STIM1: variants seen among roughly 807,000 people sequenced by gnomAD.
The protein encoded by STIM1 is stromal interaction molecule 1.
STIM1 carries 25 observed loss-of-function variants against 74.7 expected under a neutral mutation model. That is an observed-to-expected ratio of 0.33 (90% CI 0.24 to 0.47). The LOEUF (loss-of-function observed/expected upper bound fraction) is 0.47. Ranked by LOEUF, STIM1 falls within the 20% of genes least tolerant of loss-of-function variation. STIM1 has a pLI of 1.00. For missense variants in STIM1, 728 were observed against 920.8 expected, an observed-to-expected ratio of 0.79 and a Z score of 2.71; for synonymous variants, 328 against 348.8, an observed-to-expected ratio of 0.94 and a Z score of 0.66.
chr11:3,924,203 C>CT (rs1170851849), intron 1 of STIM1, among the ~76,000 whole-genome samples: 5,490 of 127,476 alleles, frequency 0.043, 360 homozygotes, highest in African/African-American at 0.14. Flanking sequence ...TTTTTCTTTT[C>CT]TTTTTTTTTT....
intron 2 of STIM1, among the ~76,000 whole-genome samples, chr11:4,001,544 T>G (rs2135909331): frequency 6.6e-6 from 1 of 152,242 alleles, no homozygotes; most frequent in South Asian, 2.1e-4. Context: ...GCTGAGAGAT[T>G]TTGTCACCAC....
chr11:4,070,270 G>A, intron 6 of STIM1, 67 bp downstream of exon 6: 1 of 1,593,014 alleles, frequency 6.3e-7, no homozygotes, highest in African/African-American at 1.3e-5. Flanking sequence ...TTTCCACCTG[G>A]GTGTGAGCCA....
At chr11:4,066,909 C>G (rs949048727) in intron 5 of STIM1, among the ~76,000 whole-genome samples, 3 of 152,066 alleles carry the variant, frequency 2.0e-5, no homozygotes, top group African/African-American at 7.3e-5. Flanking sequence ...CTTGATTTGC[C>G]TATTCTCTCC....
intron 1 of STIM1, among the ~76,000 whole-genome samples, chr11:3,869,329 C>T (rs1590508898): frequency 1.3e-5 from 2 of 152,174 alleles, no homozygotes; most frequent in South Asian, 2.1e-4. Context: ...TTTAGTTAAT[C>T]CTCACATCGG....
intron 1 of STIM1, among the ~76,000 whole-genome samples, chr11:3,895,659 TTTCTTTCTTTCTTTCCTTCCTTCC>T (rs1565104690): frequency 0.025 from 656 of 26,000 alleles, 23 homozygotes; most frequent in East Asian, 0.045. Flanking sequence ...TCTTTCTTTC[TTTCTTTCTTTCTTTCCTTCCTTCC>T]TTCTTTCTTT....
chr11:3,914,111 A>G (rs11821399), intron 1 of STIM1, among the ~76,000 whole-genome samples: 5,574 of 152,242 alleles, frequency 0.037, 310 homozygotes, highest in African/African-American at 0.12. Flanking sequence ...CTTTGTACTT[A>G]TTAAGCAATA....
intron 1 of STIM1, among the ~76,000 whole-genome samples, chr11:3,911,498 C>G (rs919129054): frequency 1.3e-5 from 2 of 152,148 alleles, no homozygotes; most frequent in South Asian, 4.1e-4. Flanking sequence ...GATCCTCCCA[C>G]CTAACCCTCT....
chr11:3,942,466 C>T (rs114924882), intron 1 of STIM1, among the ~76,000 whole-genome samples: 1,759 of 152,266 alleles, frequency 0.012, 27 homozygotes, highest in African/African-American at 0.039. Flanking sequence ...CAGTTGCCCT[C>T]TTCCATTTGG....
At chr11:3,909,666 T>C (rs1451738158) in intron 1 of STIM1, among the ~76,000 whole-genome samples, 1 of 151,372 alleles carries the variant, frequency 6.6e-6, no homozygotes. Context: ...CTACTAAAAA[T>C]ACAAAAAATT....
intron 1 of STIM1, among the ~76,000 whole-genome samples, chr11:3,942,654 C>T (rs1380808343): frequency 6.6e-6 from 1 of 152,130 alleles, no homozygotes. Flanking sequence ...GGGTTGTTTG[C>T]TTTGCTCTCT....
chr11:4,084,889 C>A, intron 11 of STIM1, 124 bp downstream of exon 11: 2 of 711,380 alleles, frequency 2.8e-6, no homozygotes, highest in Non-Finnish European at 4.2e-6. Flanking sequence ...ATCCCCTCAG[C>A]ACTGTCCCTA....
intron 1 of STIM1, among the ~76,000 whole-genome samples, chr11:3,904,928 G>T (rs2092439237): frequency 6.6e-6 from 1 of 152,126 alleles, no homozygotes; most frequent in African/African-American, 2.4e-5. Flanking sequence ...AAATAGTAGA[G>T]ACTGTAGAAG....
At chr11:4,018,304 T>C (rs2093919083) in intron 2 of STIM1, among the ~76,000 whole-genome samples, 2 of 149,158 alleles carry the variant, frequency 1.3e-5, no homozygotes, top group South Asian at 4.3e-4. Flanking sequence ...AAAAAAAAAT[T>C]AGCCGGGCGC....
In STIM1 at chr11:4,075,351, C is replaced by A. The variant is rs555241951; in HGVS notation, c.969+672C>A. ...CTACCACCCAGATCAAGATACAGAA[C>A]CTTCTCAGCACCCCAGGAAACTCAC... On this transcript the variant is annotated intron_variant, in intron 7 of 12. Transcript: ENST00000526596. Among the ~76,000 whole-genome samples the A allele has an allele frequency of 1.1e-3, 173 of 152,242 alleles. 1 individual carries two copies. The highest frequency in any genetic ancestry group is 4.0e-3 in the African/African-American group (165 of 41,544).
At chr11:4,059,476 C>G in intron 5 of STIM1, 80 bp downstream of exon 5, 1 of 1,194,148 alleles carries the variant, frequency 8.4e-7, no homozygotes, top group Non-Finnish European at 1.2e-6. Flanking sequence ...GGCTAAGGCT[C>G]TGGGTCTCCT....
At chr11:3,861,119 C>T (rs1406929967) in intron 1 of STIM1, among the ~76,000 whole-genome samples, 1 of 151,904 alleles carries the variant, frequency 6.6e-6, no homozygotes, top group East Asian at 1.9e-4. Flanking sequence ...TATCTGGTTT[C>T]ACTGTTTGGT....
chr11:3,996,173 C>T (rs1046005137), intron 2 of STIM1, among the ~76,000 whole-genome samples: 6 of 152,172 alleles, frequency 3.9e-5, no homozygotes, highest in Non-Finnish European at 7.3e-5. Flanking sequence ...GCTTCCTCGG[C>T]CAGGCAAAAT....
chr11:3,979,005 G>A (rs1340194072), intron 2 of STIM1, among the ~76,000 whole-genome samples: 4 of 152,066 alleles, frequency 2.6e-5, no homozygotes, highest in Admixed American at 2.6e-4. Context: ...CAGAGCTAAG[G>A]GAGCTAAACT....
At chr11:3,898,752 G>A (rs1266960722) in intron 1 of STIM1, among the ~76,000 whole-genome samples, 4 of 150,084 alleles carry the variant, frequency 2.7e-5, no homozygotes, top group Non-Finnish European at 6.0e-5. Flanking sequence ...AGTTTTCCCA[G>A]CACCATTTAT....
Sources: gnomAD v4.1 joint callset for allele counts (sites outside exome capture counted in the v4.1 genomes callset) on GRCh38, gnomAD v4.1.1 for gene constraint, MANE v1.5 for transcripts, NCBI Gene and HGNC (gene_info 2026-07-23, HGNC 2026-07-21) for gene names.